The following MECOM variants were observed in gnomAD, a reference collection of about 807,000 sequenced individuals.
MECOM encodes the protein MDS1 and EVI1 complex locus.
A neutral mutation model predicts 116.3 loss-of-function variants in MECOM; 13 were observed. That is an observed-to-expected ratio of 0.11 (90% CI 0.07 to 0.18). The LOEUF is 0.18. Ranked by LOEUF, MECOM falls within the 10% of genes least tolerant of loss-of-function variation. The pLI is 1.00. For missense variants in MECOM, 1,299 were observed against 1,509.0 expected, an observed-to-expected ratio of 0.86 and a Z score of 2.31; for synonymous variants, 528 against 535.2, an observed-to-expected ratio of 0.99 and a Z score of 0.19.
chr3:169,271,979 A>G (rs1309843759), intron 2 of MECOM, among the ~76,000 whole-genome samples: 1 of 152,138 alleles, frequency 6.6e-6, no homozygotes, highest in Non-Finnish European at 1.5e-5. Flanking sequence ...CATAAACTTG[A>G]TATTTCTGTT....
chr3:169,504,596 C>T (rs941303362), intron 1 of MECOM, among the ~76,000 whole-genome samples: 1 of 152,160 alleles, frequency 6.6e-6, no homozygotes, highest in Non-Finnish European at 1.5e-5. Flanking sequence ...AAATTCCTTT[C>T]ATACTGTATC....
intron 2 of MECOM, 100 bp from the exon 3 acceptor site, chr3:169,143,932 T>C: frequency 7.5e-7 from 1 of 1,330,558 alleles, no homozygotes. Context: ...TATTCCTTCT[T>C]TGGATCCTTA....
intron 2 of MECOM, among the ~76,000 whole-genome samples, chr3:169,282,028 G>T (rs1466476998): frequency 6.6e-6 from 1 of 152,050 alleles, no homozygotes; most frequent in Admixed American, 6.6e-5. Flanking sequence ...AGAGGAGAAA[G>T]AATAACAATG....
intron 2 of MECOM, among the ~76,000 whole-genome samples, chr3:169,319,905 G>A (rs1414098994): frequency 6.6e-6 from 1 of 152,224 alleles, no homozygotes; most frequent in East Asian, 1.9e-4. Context: ...TATTTCAAAT[G>A]TATAGCATCT....
At chr3:169,323,150 T>G (rs1721216034) in intron 2 of MECOM, among the ~76,000 whole-genome samples, 1 of 152,032 alleles carries the variant, frequency 6.6e-6, no homozygotes, top group Non-Finnish European at 1.5e-5. Context: ...AGTCATCATA[T>G]GCACTCACAC....
intron 1 of MECOM, among the ~76,000 whole-genome samples, chr3:169,583,649 TTTTG>T (rs1035423858): frequency 1.4e-4 from 21 of 152,326 alleles, no homozygotes; most frequent in Non-Finnish European, 8.8e-5. Context: ...ATTGGTAATT[TTTTG>T]TTTGTTTGTT....
intron 1 of MECOM, among the ~76,000 whole-genome samples, chr3:169,422,288 T>C (rs1739901756): frequency 1.3e-5 from 2 of 152,106 alleles, no homozygotes; most frequent in South Asian, 4.1e-4. Flanking sequence ...AAAACTGATA[T>C]GTTCTGTAGG....
chr3:169,322,992 T>C (rs1248439821), intron 2 of MECOM, among the ~76,000 whole-genome samples: 5 of 67,852 alleles, frequency 7.4e-5, no homozygotes, highest in South Asian at 6.1e-4. Context: ...AGAGCAAGAC[T>C]CCGGTAAAAA....
intron 2 of MECOM, among the ~76,000 whole-genome samples, chr3:169,363,463 T>G (rs561211765): frequency 1.3e-5 from 2 of 152,076 alleles, no homozygotes; most frequent in Non-Finnish European, 2.9e-5. Flanking sequence ...TAACAACACG[T>G]GCGCTCTTTC....
intron 1 of MECOM, among the ~76,000 whole-genome samples, chr3:169,490,952 G>A (rs2108917358): frequency 6.6e-6 from 1 of 152,002 alleles, no homozygotes; most frequent in African/African-American, 2.4e-5. Context: ...TGTAATTCTT[G>A]GGCTCAAGCA....
intron 3 of MECOM, among the ~76,000 whole-genome samples, chr3:169,138,893 A>T (rs541361042): frequency 7.9e-5 from 12 of 152,228 alleles, no homozygotes; most frequent in Admixed American, 7.9e-4. Flanking sequence ...TTGAGCCCAT[A>T]ATAAGCTCAC....
chr3:169,345,782 C>A (rs1725246902), intron 2 of MECOM, among the ~76,000 whole-genome samples: 2 of 151,894 alleles, frequency 1.3e-5, no homozygotes, highest in South Asian at 4.1e-4. Flanking sequence ...TTTGCCCAGC[C>A]AATATGAAAT....
intron 1 of MECOM, among the ~76,000 whole-genome samples, chr3:169,636,777 C>T (rs1020957050): frequency 5.9e-5 from 9 of 152,132 alleles, no homozygotes; most frequent in African/African-American, 9.7e-5. Flanking sequence ...TTGGGACATC[C>T]GTCCACGAGA....
chr3:169,584,349 A>G lies in MECOM; in HGVS notation c.37+78987T>C, dbSNP rs577151595. Among the ~76,000 whole-genome samples the G allele has an allele frequency of 2.9e-4, 44 of 151,606 alleles. No individual in the cohort carries two copies. In the East Asian group the frequency reaches 6.6e-3, roughly 23 times the overall value. ...GGGAGGCCGGGGCGGGCGGATCACG[A>G]GGTCTGGAGATAGAGACCATCTTGG... On this transcript the variant is annotated intron_variant, in intron 1 of 16. Coordinates refer to ENST00000651503, the MANE Select transcript of MECOM (RefSeq NM_004991.4).
intron 1 of MECOM, among the ~76,000 whole-genome samples, chr3:169,641,923 A>T (rs1218220442): frequency 6.6e-6 from 1 of 152,230 alleles, no homozygotes; most frequent in East Asian, 1.9e-4. Flanking sequence ...CAGCTGTAAG[A>T]TTATTTCAAG....
chr3:169,612,881 T>A (rs1202653198), intron 1 of MECOM, among the ~76,000 whole-genome samples: 2 of 152,230 alleles, frequency 1.3e-5, no homozygotes, highest in African/African-American at 4.8e-5. Flanking sequence ...TAAGTCTGAA[T>A]TCCTGACACA....
intron 2 of MECOM, among the ~76,000 whole-genome samples, chr3:169,365,704 G>A (rs1729046483): frequency 6.6e-6 from 1 of 151,988 alleles, no homozygotes; most frequent in Non-Finnish European, 1.5e-5. Context: ...CCTCACCAGT[G>A]CTTATATTCA....
At chr3:169,171,197 A>G (rs922579894) in intron 2 of MECOM, among the ~76,000 whole-genome samples, 6 of 152,194 alleles carry the variant, frequency 3.9e-5, no homozygotes, top group Non-Finnish European at 7.4e-5. Flanking sequence ...GGTTTAGAAG[A>G]AAAATATGTT....
chr3:169,316,730 T>G (rs1719810205), intron 2 of MECOM, among the ~76,000 whole-genome samples: 2 of 152,164 alleles, frequency 1.3e-5, no homozygotes, highest in African/African-American at 4.8e-5. Context: ...TTTTTGTATT[T>G]TTTGTGGAGA....
Sources: gnomAD v4.1 joint callset for allele counts (sites outside exome capture counted in the v4.1 genomes callset) on GRCh38, gnomAD v4.1.1 for gene constraint, MANE v1.5 for transcripts, NCBI Gene and HGNC (gene_info 2026-07-23, HGNC 2026-07-21) for gene names.